HIVEP2: variants seen among roughly 807,000 people sequenced by gnomAD.
HIVEP2 encodes HIVEP zinc finger 2.
A neutral mutation model predicts 180.7 loss-of-function variants in HIVEP2; 14 were observed. The observed-to-expected ratio is 0.08, with a 90% CI of 0.05 to 0.12. The LOEUF (loss-of-function observed/expected upper bound fraction) is 0.12. Among genes scored for constraint, HIVEP2 ranks in the 10% least tolerant of loss-of-function variants. The pLI is 1.00. For missense variants in HIVEP2, 2,579 were observed against 3,008.5 expected (o/e 0.86, Z 3.34); for synonymous variants, 1,184 against 1,136.4 (o/e 1.04, Z -0.84).
rs1483205041 is a variant in HIVEP2, at chr6:142,760,427, G to C, written c.5861C>G (p.Pro1954Arg). ...SSLPVNVGAVPHGVPSDSSLG... is the reference protein window; with the variant it reads ...SSLPVNVGAVRHGVPSDSSLG... ...GGAACTATCTGAAGGAACCCCGTGG[G>C]GTACGGCGCCAACATTCACAGGCAA... The change falls in exon 9 of 10, where the codon CCC becomes CGC. Residue 1954 changes from proline to arginine, a missense_variant. This residue lies in a region of HIVEP2 where 660 missense variants were observed against 731.7 expected (regional missense o/e 0.90). Transcript: ENST00000367603. 1 of 1,614,158 alleles carries C rather than the reference G, an allele frequency of 6.2e-7. No homozygotes were observed. The highest frequency in any genetic ancestry group is 8.5e-7 in the Non-Finnish European group (1 of 1,180,026).
At chr6:142,899,228 T>C (rs541849414) in intron 1 of HIVEP2, among the ~76,000 whole-genome samples, 1 of 152,306 alleles carries the variant, frequency 6.6e-6, no homozygotes, top group South Asian at 2.1e-4. Flanking sequence ...GATCCTTTTT[T>C]GCTAAGGCTT....
intron 9 of HIVEP2, among the ~76,000 whole-genome samples, chr6:142,758,334 G>T (rs1235020432): frequency 6.6e-6 from 1 of 152,198 alleles, no homozygotes; most frequent in Non-Finnish European, 1.5e-5. Flanking sequence ...TGGGGATGGG[G>T]ACAGGAATGC....
In HIVEP2 at chr6:142,799,075, T is replaced by G. The variant is rs539327970; in HGVS notation, c.-527-15460A>C. 2.6e-5 allele frequency among the ~76,000 whole-genome samples: 4 copies of G among 152,190 alleles called. 1 individual carries two copies. Among genetic ancestry groups the G allele is most frequent in the African/African-American group, 9.6e-5 (4 of 41,456 alleles). ...AAATGGTTATTTGATTTTGCATGCATGCAAGCACATGTGAAATATGTGTTT... is the reference window on the plus strand; with the variant it reads ...AAATGGTTATTTGATTTTGCATGCAGGCAAGCACATGTGAAATATGTGTTT... On this transcript the variant is annotated intron_variant, in intron 2 of 9. Transcript: ENST00000367603.
At chr6:142,782,824 A>G (rs759695155) in intron 3 of HIVEP2, among the ~76,000 whole-genome samples, 1 of 152,220 alleles carries the variant, frequency 6.6e-6, no homozygotes, top group Non-Finnish European at 1.5e-5. Flanking sequence ...TTTAGTCAAG[A>G]TATTTATGAC....
intron 1 of HIVEP2, among the ~76,000 whole-genome samples, chr6:142,850,898 T>A (rs1222419001): frequency 6.6e-6 from 1 of 152,242 alleles, no homozygotes; most frequent in Non-Finnish European, 1.5e-5. Flanking sequence ...AACAGTCACT[T>A]TGAAAATAGT....
intron 9 of HIVEP2, among the ~76,000 whole-genome samples, chr6:142,758,028 C>T (rs1774508711): frequency 6.8e-6 from 1 of 146,178 alleles, no homozygotes; most frequent in South Asian, 2.1e-4. Context: ...GCTCATCTAA[C>T]ACACTCTGCC....
In HIVEP2 at chr6:142,751,889, G is replaced by C. The variant is rs1456087366; in HGVS notation, c.*1218C>G. On this transcript the variant is annotated 3_prime_UTR_variant, in exon 10 of 10. Coordinates refer to ENST00000367603, the MANE Select transcript of HIVEP2 (RefSeq NM_006734.4). ...AAACCGGCTGACAGGAAGAGCTGGGGAGCAGGTCTCCATCTCCTTTTCCCC... is the reference window on the plus strand; with the variant it reads ...AAACCGGCTGACAGGAAGAGCTGGGCAGCAGGTCTCCATCTCCTTTTCCCC... The C allele has an allele frequency of 6.5e-6, 1 of 152,934 alleles. No individual in the cohort carries two copies. Among genetic ancestry groups the C allele is most frequent in the Non-Finnish European group, 1.5e-5 (1 of 68,294 alleles). The allele number at this position is 152,934 out of a possible 1,614,324, so 9.5% of individuals were successfully genotyped here.
At position 142,774,805 on chromosome 6, in the gene HIVEP2, AGCT is replaced by A. The variant is rs1775654501; in HGVS notation, c.-70_-68del. The stretch of plus-strand genomic sequence containing the variant: ...GTGCAGACTCATGGAGTGTCTCCAA[AGCT>A]GTGCTTCTTAAAGCTTGGTTGCTTC... On this transcript the variant is annotated 5_prime_UTR_variant, in exon 5 of 10. Transcript: ENST00000367603. This position sits in a 1 kb window ranked among gnomAD's most constrained non-coding sequence, Gnocchi z 5.1. The A allele has an allele frequency of 6.5e-7, 1 of 1,544,570 alleles. No individual in the cohort carries two copies. The highest frequency in any genetic ancestry group is 2.3e-4 in the Middle Eastern group (1 of 4,444).
At position 142,810,299 on chromosome 6, in the gene HIVEP2, T is replaced by C. The variant is rs79535357; in HGVS notation, c.-528+26636A>G. Among the ~76,000 whole-genome samples the C allele has an allele frequency of 9.9e-3, 1,509 of 152,320 alleles. 20 individuals carry two copies. Among genetic ancestry groups the C allele is most frequent in the Non-Finnish European group, 0.014 (972 of 68,020 alleles). ...ACTATACGTATATATTGTTTTTAAT[T>C]ATAGTGTATTTTTACAAAATCAATC... is the stretch of plus-strand genomic sequence containing the variant. On this transcript the variant is annotated intron_variant, in intron 2 of 9. Coordinates refer to ENST00000367603, the MANE Select transcript of HIVEP2 (RefSeq NM_006734.4).
At chr6:142,846,345 C>T in intron 1 of HIVEP2, among the ~76,000 whole-genome samples, 1 of 152,136 alleles carries the variant, frequency 6.6e-6, no homozygotes, top group East Asian at 1.9e-4. Context: ...GACACCACAA[C>T]GCAAGCTTAA....
rs1256507010 is a variant in HIVEP2 at position 142,911,156 on chromosome 6, A to AAC, written c.-641+33942_-641+33943insGT. Among the ~76,000 whole-genome samples, 62 of 151,800 alleles carry AAC rather than the reference A, an allele frequency of 4.1e-4. 1 individual carries two copies. Among genetic ancestry groups the AAC allele is most frequent in the African/African-American group, 1.4e-3 (60 of 41,400 alleles). ...AAACACATTAAAAAAAAAAAAAAAA[A>AAC]AAAACTTAAAAATAAGCACAAACAA... On this transcript the variant is annotated intron_variant, in intron 1 of 9. Coordinates refer to ENST00000367603, the MANE Select transcript of HIVEP2 (RefSeq NM_006734.4).
At chr6:142,854,388 ACT>A (rs1338286325) in intron 1 of HIVEP2, among the ~76,000 whole-genome samples, 1 of 152,114 alleles carries the variant, frequency 6.6e-6, no homozygotes, top group Non-Finnish European at 1.5e-5. Flanking sequence ...TAACATTGTA[ACT>A]CTGCTGCAAT....
intron 6 of HIVEP2, among the ~76,000 whole-genome samples, chr6:142,767,008 G>A (rs866543065): frequency 2.6e-5 from 4 of 152,164 alleles, no homozygotes; most frequent in Non-Finnish European, 5.9e-5. Context: ...CCCATAAAAC[G>A]GGGCAATTAA....
At chr6:142,808,519 GGGAA>G (rs1776609531) in intron 2 of HIVEP2, among the ~76,000 whole-genome samples, 1 of 143,586 alleles carries the variant, frequency 7.0e-6, no homozygotes, top group Non-Finnish European at 1.5e-5. Flanking sequence ...AATAGACAGA[GGGAA>G]GGAGGGAGGG....
intron 3 of HIVEP2, among the ~76,000 whole-genome samples, 195 bp downstream of exon 3, chr6:142,783,326 C>CAAAAAAAAAAAAAAAAA (rs567202980): frequency 4.2e-5 from 3 of 71,070 alleles, no homozygotes; most frequent in African/African-American, 1.1e-4. Flanking sequence ...GACTCCGTCA[C>CAAAAAAAAAAAAAAAAA]AAAAAAAAAA....
Position 142,760,253 on chromosome 6 carries a change from T to C in HIVEP2, c.6035A>G (p.Asp2012Gly), listed in dbSNP as rs745823504. ...ACTAGGTATGTCCAATCTGTCTTTG[T>C]CTGGTTCTGAGTCCGTACTTTTGCT... ...FQSKSTDSEP[D>G]KDRLDIPSCM... Residue 2012 changes from aspartate (D) to glycine (G), a missense_variant, in exon 9 of 10, where the codon GAC becomes GGC. Coordinates refer to ENST00000367603, the MANE Select transcript of HIVEP2 (RefSeq NM_006734.4). The C allele has an allele frequency of 1.2e-6, 2 of 1,614,088 alleles. No individual in the cohort carries two copies. The highest frequency in any genetic ancestry group is 1.7e-6 in the Non-Finnish European group (2 of 1,180,038).
intron 2 of HIVEP2, among the ~76,000 whole-genome samples, chr6:142,825,584 T>A (rs1774868583): frequency 6.6e-6 from 1 of 152,210 alleles, no homozygotes; most frequent in Non-Finnish European, 1.5e-5. Context: ...CATTAAGCTA[T>A]CAAGAATCAT....
chr6:142,770,011 C>T lies in HIVEP2; in HGVS notation c.4728G>A (p.Ser1576=), dbSNP rs185815288. 429 of 1,614,112 alleles carry T rather than the reference C, an allele frequency of 2.7e-4. 6 individuals are homozygous for T. The Admixed American group carries it at 6.3e-3, about 24-fold the overall frequency. Residue 1576 remains serine (S), a synonymous_variant, in exon 5 of 10, where the codon TCG becomes TCA. Transcript: ENST00000367603. This position sits in a 1 kb window ranked among gnomAD's most constrained non-coding sequence, Gnocchi z 4.7. ...SDELDIDETA[S]DMSMSPQSSS... is the part of the protein sequence containing the mutation. ...AACTCTGTGGGCTCATGCTCATGTC[C>T]GATGCCGTCTCATCGATATCTAATT...
At chr6:142,925,873 A>C (rs949447596) in intron 1 of HIVEP2, among the ~76,000 whole-genome samples, 2 of 152,224 alleles carry the variant, frequency 1.3e-5, no homozygotes, top group African/African-American at 2.4e-5. Flanking sequence ...TCTTTGATGT[A>C]AGAAACCTTA....
Sources: gnomAD v4.1 joint callset for allele counts (sites outside exome capture counted in the v4.1 genomes callset) on GRCh38, gnomAD v4.1.1 for gene constraint, gnomAD v4.1.1 regional missense constraint, Gnocchi (gnomAD v3.1) non-coding constraint, MANE v1.5 for transcripts, NCBI Gene and HGNC (gene_info 2026-07-23, HGNC 2026-07-21) for gene names.